The following ITGA9 variants were observed in gnomAD, a reference collection of about 807,000 sequenced individuals.
ITGA9 encodes integrin subunit alpha 9, also known as integrin alpha-9.
Under a neutral mutation model 127.8 loss-of-function variants are expected in ITGA9, and 56 were observed. That is an observed-to-expected ratio of 0.44 (90% CI 0.35 to 0.55). The LOEUF (loss-of-function observed/expected upper bound fraction) is 0.55. ITGA9 is among the 20% of genes least tolerant of loss of function. The pLI is 0.00. For synonymous variants in ITGA9, 508 were observed against 514.5 expected, an observed-to-expected ratio of 0.99 and a Z score of 0.17; for missense variants, 1,196 against 1,347.1, an observed-to-expected ratio of 0.89 and a Z score of 1.76.
chr3:37,583,872 G>A (rs1335216888), intron 15 of ITGA9, among the ~76,000 whole-genome samples: 1 of 152,180 alleles, frequency 6.6e-6, no homozygotes, highest in East Asian at 1.9e-4. Flanking sequence ...CATCAGGACA[G>A]GTTTCATGTC....
chr3:37,661,026 A>G (rs1392914520), intron 17 of ITGA9, among the ~76,000 whole-genome samples: 1 of 152,242 alleles, frequency 6.6e-6, no homozygotes, highest in Non-Finnish European at 1.5e-5. Context: ...ACAGCAAGTC[A>G]CATGGCCAAA....
At chr3:37,679,538 C>T (rs1700714996) in intron 17 of ITGA9, among the ~76,000 whole-genome samples, 1 of 152,152 alleles carries the variant, frequency 6.6e-6, no homozygotes, top group African/African-American at 2.4e-5. Flanking sequence ...GTGGGTTCCC[C>T]TTTCTGGGGC....
At chr3:37,630,982 A>G (rs1700225347) in intron 16 of ITGA9, among the ~76,000 whole-genome samples, 1 of 152,194 alleles carries the variant, frequency 6.6e-6, no homozygotes, top group South Asian at 2.1e-4. Flanking sequence ...ACTGGGAAGT[A>G]CAGACCTAGG....
chr3:37,689,981 A>C (rs1026948473), intron 18 of ITGA9, among the ~76,000 whole-genome samples: 2 of 152,238 alleles, frequency 1.3e-5, no homozygotes, highest in East Asian at 1.9e-4. Flanking sequence ...TTAAAGCACA[A>C]GGTGCCAGCT....
intron 15 of ITGA9, among the ~76,000 whole-genome samples, chr3:37,550,871 T>C (rs888878254): frequency 1.7e-4 from 26 of 152,256 alleles, no homozygotes; most frequent in African/African-American, 4.8e-4. Flanking sequence ...TTTTTTGTTG[T>C]TATTGTTGTT....
At chr3:37,738,037 C>T (rs1206369507) in intron 20 of ITGA9, among the ~76,000 whole-genome samples, 1 of 152,188 alleles carries the variant, frequency 6.6e-6, no homozygotes, top group African/African-American at 2.4e-5. Flanking sequence ...TGACACTATG[C>T]TATTAGCTAA....
Position 37,784,459 on chromosome 3 carries a change from T to A in ITGA9, c.2788-518T>A, listed in dbSNP as rs1432204072. 4.6e-5 allele frequency among the ~76,000 whole-genome samples: 7 copies of A among 152,302 alleles called. No homozygotes were observed. The South Asian group carries it at 1.5e-3, about 32-fold the overall frequency. ...CCCTTCCCCATCTCTCCATCAGGCA[T>A]CCTCTTTCAATGTTTAATGGTTTTG... On this transcript the variant is annotated intron_variant, in intron 25 of 27. Coordinates refer to ENST00000264741, the MANE Select transcript of ITGA9 (RefSeq NM_002207.3).
chr3:37,668,695 A>T (rs1700608276), intron 17 of ITGA9, among the ~76,000 whole-genome samples: 1 of 152,102 alleles, frequency 6.6e-6, no homozygotes, highest in Non-Finnish European at 1.5e-5. Flanking sequence ...GTCTTCCCCA[A>T]CACATACTTT....
Position 37,792,008 on chromosome 3 carries a change from C to T in ITGA9, c.2889+6930C>T, listed in dbSNP as rs1196481827. ...AGAATCTTTCCCCCCTTGAACCTCA[C>T]ATTATGCTGAGATGTAGGATGAAGA... On this transcript the variant is annotated intron_variant, in intron 26 of 27. Coordinates refer to ENST00000264741, the MANE Select transcript of ITGA9 (RefSeq NM_002207.3). Among the ~76,000 whole-genome samples, 4 of 152,266 alleles carry T rather than the reference C, an allele frequency of 2.6e-5. No individual in the cohort carries two copies. The East Asian group carries it at 7.7e-4, about 29-fold the overall frequency.
At chr3:37,705,881 C>T (rs970743162) in intron 18 of ITGA9, among the ~76,000 whole-genome samples, 2 of 152,196 alleles carry the variant, frequency 1.3e-5, no homozygotes, top group Non-Finnish European at 2.9e-5. Flanking sequence ...CCGAGCAAAC[C>T]CTCATTCACT....
intron 2 of ITGA9, 28 bp from the exon 3 acceptor site, chr3:37,473,326 A>G (rs1433928712): frequency 6.3e-7 from 1 of 1,589,766 alleles, no homozygotes; most frequent in African/African-American, 1.3e-5. Context: ...TCCTCAACCC[A>G]AGTCTGGCTC....
chr3:37,607,250 G>A (rs959683024), intron 15 of ITGA9, among the ~76,000 whole-genome samples: 2 of 152,056 alleles, frequency 1.3e-5, no homozygotes, highest in Non-Finnish European at 2.9e-5. Flanking sequence ...CAGTTGGGTG[G>A]ATGGATGAGC....
intron 15 of ITGA9, among the ~76,000 whole-genome samples, chr3:37,569,151 C>T (rs1325036251): frequency 1.3e-5 from 2 of 152,224 alleles, no homozygotes; most frequent in Non-Finnish European, 2.9e-5. Context: ...GGAGGCCTCA[C>T]AATCATGGTA....
At chr3:37,599,028 AG>A (rs1699893481) in intron 15 of ITGA9, among the ~76,000 whole-genome samples, 1 of 152,244 alleles carries the variant, frequency 6.6e-6, no homozygotes, top group African/African-American at 2.4e-5. Context: ...TGTGGTGAGA[AG>A]CAGAGTTGCC....
At chr3:37,510,068 C>T (rs1465626121) in intron 8 of ITGA9, among the ~76,000 whole-genome samples, 2 of 137,582 alleles carry the variant, frequency 1.5e-5, no homozygotes, top group African/African-American at 5.4e-5. Flanking sequence ...ATGGCATGAT[C>T]TTGGTTCACT....
At chr3:37,721,957 T>G (rs936558432) in intron 18 of ITGA9, among the ~76,000 whole-genome samples, 1 of 152,240 alleles carries the variant, frequency 6.6e-6, no homozygotes, top group Non-Finnish European at 1.5e-5. Flanking sequence ...TCAGATGGTA[T>G]GACTCCCCTG....
chr3:37,694,148 C>G (rs906413613), intron 18 of ITGA9, among the ~76,000 whole-genome samples: 2 of 152,210 alleles, frequency 1.3e-5, no homozygotes, highest in African/African-American at 2.4e-5. Flanking sequence ...GAAGCCCACT[C>G]GAGGCTCTAA....
chr3:37,694,973 T>C (rs1700868974), intron 18 of ITGA9, among the ~76,000 whole-genome samples: 3 of 151,916 alleles, frequency 2.0e-5, no homozygotes, highest in South Asian at 2.1e-4. Context: ...GGAAGACAGG[T>C]AGGGAGTGGA....
chr3:37,643,854 G>C (rs1700354356), intron 16 of ITGA9, among the ~76,000 whole-genome samples: 1 of 152,104 alleles, frequency 6.6e-6, no homozygotes, highest in Non-Finnish European at 1.5e-5. Flanking sequence ...CTGGTTTTAA[G>C]GCATTTTTTT....
Sources: gnomAD v4.1 joint callset for allele counts (sites outside exome capture counted in the v4.1 genomes callset) on GRCh38, gnomAD v4.1.1 for gene constraint, MANE v1.5 for transcripts, NCBI Gene and HGNC (gene_info 2026-07-23, HGNC 2026-07-21) for gene names.